Variants in MARK4 observed in about 807,000 individuals in gnomAD.
The protein encoded by MARK4 is MAP/microtubule affinity-regulating kinase 4.
Under a neutral mutation model 81.5 loss-of-function variants are expected in MARK4, and 19 were observed. That is an observed-to-expected ratio of 0.23 (90% CI 0.16 to 0.34). MARK4 has a LOEUF of 0.34. Ranked by LOEUF, MARK4 falls within the 10% of genes least tolerant of loss-of-function variation. MARK4 has a pLI of 1.00. For missense variants in MARK4, 772 were observed against 1,058.8 expected (o/e 0.73, Z 3.76); for synonymous variants, 436 against 439.0 (o/e 0.99, Z 0.08).
At chr19:45,282,988 T>A (rs1970696321) in intron 12 of MARK4, among the ~76,000 whole-genome samples, 1 of 151,936 alleles carries the variant, frequency 6.6e-6, no homozygotes, top group Non-Finnish European at 1.5e-5. Flanking sequence ...CGAGACCTCA[T>A]CTCAAAAAAT....
Position 45,294,336 on chromosome 19 carries a change from G to A in MARK4, c.1495-13G>A, listed in dbSNP as rs1261285523. ...TCACCCCCTCACTCCCTTCCTGGCTGTGTCTCCTGCAGAACAACCTCCCTC... is the reference window on the plus strand; with the variant it reads ...TCACCCCCTCACTCCCTTCCTGGCTATGTCTCCTGCAGAACAACCTCCCTC... On this transcript the variant is annotated splice_polypyrimidine_tract_variant and intron_variant, in intron 13 of 16. Transcript: ENST00000262891. 6 of 1,613,216 alleles carry A rather than the reference G, an allele frequency of 3.7e-6. No individual in the cohort carries two copies. Among genetic ancestry groups the A allele is most frequent in the African/African-American group, 1.3e-5 (1 of 74,884 alleles).
intron 1 of MARK4, among the ~76,000 whole-genome samples, chr19:45,257,133 T>A (rs970912623): frequency 1.3e-5 from 2 of 151,818 alleles, no homozygotes; most frequent in Admixed American, 6.6e-5. Context: ...TTTTTTTTTT[T>A]AAGTTTTTCT....
chr19:45,299,287 T>C (rs1158862670), intron 15 of MARK4, among the ~76,000 whole-genome samples: 1 of 151,890 alleles, frequency 6.6e-6, no homozygotes, highest in African/African-American at 2.4e-5. Flanking sequence ...AAAAAGCAGA[T>C]GTGGCACGCG....
At chr19:45,264,558 G>T in intron 4 of MARK4, 126 bp from the exon 5 acceptor site, 1 of 864,918 alleles carries the variant, frequency 1.2e-6, no homozygotes, top group South Asian at 1.5e-5. Context: ...CTTGCTGTCA[G>T]TAGGGAGCCA....
intron 8 of MARK4, among the ~76,000 whole-genome samples, chr19:45,275,523 CAT>C (rs1285141692): frequency 1.3e-5 from 2 of 152,030 alleles, no homozygotes; most frequent in East Asian, 3.9e-4. Context: ...AGCCCGTCTG[CAT>C]ATGTTAAGCC....
intron 13 of MARK4, among the ~76,000 whole-genome samples, chr19:45,293,957 C>T (rs1181336408): frequency 6.6e-6 from 1 of 152,148 alleles, no homozygotes; most frequent in Non-Finnish European, 1.5e-5. Flanking sequence ...GGTGAGACAG[C>T]CAGTGCACAG....
chr19:45,271,630 G>A lies in MARK4; in HGVS notation c.708G>A (p.Glu236=), dbSNP rs775459691. Residue 236 remains glutamate (E), a synonymous_variant, in exon 8 of 17, where the codon GAG becomes GAA. Transcript: ENST00000262891. This position sits in a 1 kb window ranked among gnomAD's most constrained non-coding sequence, Gnocchi z 4.1. ...LFQGKKYDGP[E]VDIWSLGVIL... Reference sequence around the variant, plus strand: ...AGGGCAAGAAGTACGACGGGCCGGAGGTGGACATCTGGAGCCTGGGAGTCA... The same window carrying A: ...AGGGCAAGAAGTACGACGGGCCGGAAGTGGACATCTGGAGCCTGGGAGTCA... 3.1e-6 allele frequency: 5 copies of A among 1,614,120 alleles called. No homozygotes were observed. The highest frequency in any genetic ancestry group is 3.4e-6 in the Non-Finnish European group (4 of 1,180,052).
In MARK4 at chr19:45,304,346, ACT is replaced by A. The variant is rs1319552137; in HGVS notation, c.*1639_*1640del. ...GATTTTCTCTAAACCAATCACTGTG[ACT>A]CTAGAGTGGCCAGACTCAGAGCTGC... On this transcript the variant is annotated 3_prime_UTR_variant, in exon 17 of 17. Coordinates refer to ENST00000262891, the MANE Select transcript of MARK4 (RefSeq NM_001199867.2). The A allele has an allele frequency of 6.6e-6, 1 of 152,142 alleles. No homozygotes were observed. The highest frequency in any genetic ancestry group is 1.5e-5 in the Non-Finnish European group (1 of 68,036). The allele number at this position is 152,142 out of a possible 1,614,324, so 9.4% of individuals were successfully genotyped here.
At chr19:45,264,294 G>A (rs1447968979) in intron 4 of MARK4, among the ~76,000 whole-genome samples, 2 of 152,030 alleles carry the variant, frequency 1.3e-5, no homozygotes, top group African/African-American at 4.8e-5. Flanking sequence ...CTGAGGTTGG[G>A]AGTTGGAGAT....
At position 45,251,476 on chromosome 19, in the gene MARK4, C is replaced by G. The variant is rs1970238489; in HGVS notation, c.-113C>G. ...CGCGCGGACCCGGGCGTTCTCGGCG[C>G]CCAGCTTTTGAGCTCGCGTCCCCAG... On this transcript the variant is annotated 5_prime_UTR_variant, in exon 1 of 17. Transcript: ENST00000262891. 1 of 622,284 alleles carries G rather than the reference C, an allele frequency of 1.6e-6. No homozygotes were observed. Among genetic ancestry groups the G allele is most frequent in the Non-Finnish European group, 2.6e-6 (1 of 385,878 alleles). The allele number at this position is 622,284 out of a possible 1,614,324, so 38.5% of individuals were successfully genotyped here. A position where few individuals can be genotyped will look rare whatever the true frequency, so the allele number is the denominator to read the frequency against.
In MARK4 at chr19:45,258,953, G is replaced by GCAA. The variant is rs758704226; in HGVS notation, c.52-36_52-35insCAA. ...TAGCCCACGGGTTCCACGGAAGGTGGGATTGGATAGCTCATGCTCCATCTC... is the reference window on the plus strand; with the variant it reads ...TAGCCCACGGGTTCCACGGAAGGTGGCAAGATTGGATAGCTCATGCTCCATCTC... On this transcript the variant is annotated intron_variant, in intron 1 of 16. Coordinates refer to ENST00000262891, the MANE Select transcript of MARK4 (RefSeq NM_001199867.2). 4 of 1,599,008 alleles carry GCAA rather than the reference G, an allele frequency of 2.5e-6. No homozygotes were observed. The South Asian group carries it at 4.4e-5, about 18-fold the overall frequency.
At chr19:45,255,920 A>G (rs1440297744) in intron 1 of MARK4, among the ~76,000 whole-genome samples, 1 of 152,212 alleles carries the variant, frequency 6.6e-6, no homozygotes, top group Non-Finnish European at 1.5e-5. Context: ...GCTTCCAATC[A>G]GGCCAGGGCA....
At chr19:45,274,358 C>T (rs1438511116) in intron 8 of MARK4, among the ~76,000 whole-genome samples, 9 of 151,248 alleles carry the variant, frequency 6.0e-5, no homozygotes, top group Non-Finnish European at 1.2e-4. Flanking sequence ...TGGCCGGGCA[C>T]GGTGGCTCAG....
intron 1 of MARK4, among the ~76,000 whole-genome samples, chr19:45,252,451 C>T (rs1206383187): frequency 1.3e-5 from 2 of 152,208 alleles, no homozygotes; most frequent in East Asian, 3.9e-4. Context: ...CCTCATCCGC[C>T]CTCTATCAAC....
Position 45,298,140 on chromosome 19 carries a change from C to T in MARK4, c.1877+186C>T, listed in dbSNP as rs375378490. The T allele has an allele frequency of 5.9e-5, 96 of 1,613,868 alleles. No homozygotes were observed. The highest frequency in any genetic ancestry group is 8.0e-5 in the Non-Finnish European group (94 of 1,179,948). On this transcript the variant is annotated intron_variant, in intron 15 of 16. Transcript: ENST00000262891. ...ACCCCTCACCTCCCTCCTCACACTGCAGGGTTACCCTCGATCCCTCTAAAC... is the reference window on the plus strand; with the variant it reads ...ACCCCTCACCTCCCTCCTCACACTGTAGGGTTACCCTCGATCCCTCTAAAC...
intron 9 of MARK4, 87 bp from the exon 10 acceptor site, chr19:45,278,429 C>T (rs932942400): frequency 1.9e-5 from 23 of 1,192,532 alleles, no homozygotes; most frequent in South Asian, 2.5e-5. Flanking sequence ...TGTTAGGCCT[C>T]GGAGGTTTGG....
At chr19:45,283,626 T>C (rs1473231259) in intron 12 of MARK4, among the ~76,000 whole-genome samples, 3 of 152,206 alleles carry the variant, frequency 2.0e-5, no homozygotes, top group Non-Finnish European at 4.4e-5. Flanking sequence ...TTCCTTTTCA[T>C]TGGCAAGTAA....
intron 7 of MARK4, among the ~76,000 whole-genome samples, chr19:45,266,493 G>C (rs1301083273): frequency 1.3e-5 from 2 of 152,094 alleles, no homozygotes; most frequent in African/African-American, 2.4e-5. Context: ...GGATGGGGGG[G>C]AGGGGACAGG....
In MARK4 at chr19:45,253,189, CCA is replaced by C. The variant is rs111314321; in HGVS notation, c.51+1562_51+1563del. 3.8e-3 allele frequency among the ~76,000 whole-genome samples: 526 copies of C among 140,066 alleles called. 1 individual carries two copies. The highest frequency in any genetic ancestry group is 0.013 in the African/African-American group (480 of 38,014). The allele number at this position is 140,066 out of a possible 152,430, so 91.9% of individuals were successfully genotyped here. A position where few individuals can be genotyped will look rare whatever the true frequency, so the allele number is the denominator to read the frequency against. On this transcript the variant is annotated intron_variant, in intron 1 of 16. Transcript: ENST00000262891. Reference sequence around the variant, plus strand: ...TTTCCCTCACCTCCGACAGACCCCCCCACACACACACACCATCAGAGAGATTT... The same window carrying C: ...TTTCCCTCACCTCCGACAGACCCCCCCACACACACACCATCAGAGAGATTT...
Sources: gnomAD v4.1 joint callset for allele counts (sites outside exome capture counted in the v4.1 genomes callset) on GRCh38, gnomAD v4.1.1 for gene constraint, Gnocchi (gnomAD v3.1) non-coding constraint, MANE v1.5 for transcripts, NCBI Gene and HGNC (gene_info 2026-07-23, HGNC 2026-07-21) for gene names.